The following IL1RAPL2 variants were observed in gnomAD, a reference collection of about 807,000 sequenced individuals.
IL1RAPL2 encodes the protein interleukin 1 receptor accessory protein like 2.
IL1RAPL2 carries 3 observed loss-of-function variants against 44.1 expected under a neutral mutation model. The ratio of observed to expected loss-of-function variants is 0.07; its 90% CI spans 0.03 to 0.18. The LOEUF (loss-of-function observed/expected upper bound fraction) is 0.18, where lower values mean the gene tolerates loss of function less well. IL1RAPL2 is among the 10% of genes least tolerant of loss of function. The pLI, the probability that IL1RAPL2 is intolerant of heterozygous loss-of-function variation, is 1.00. For missense variants in IL1RAPL2, 391 were observed against 496.4 expected (o/e 0.79, Z 2.02); for synonymous variants, 181 against 178.8 (o/e 1.01, Z -0.10).
chrX:104,708,948 A>G (rs1931406680), intron 2 of IL1RAPL2, among the ~76,000 whole-genome samples: 1 of 111,492 alleles, frequency 9.0e-6, no homozygotes, highest in African/African-American at 3.3e-5. Context: ...ATTGAGAAGG[A>G]ATATCTGCTA....
At chrX:105,244,182 A>G (rs941868841) in intron 4 of IL1RAPL2, among the ~76,000 whole-genome samples, 6 of 111,076 alleles carry the variant, frequency 5.4e-5, no homozygotes, top group African/African-American at 2.0e-4. Context: ...TGCGTGTATA[A>G]GCCAGAAGGA....
intron 5 of IL1RAPL2, among the ~76,000 whole-genome samples, chrX:105,447,632 T>TATATAA (rs1184639438): frequency 1.0e-4 from 8 of 79,433 alleles, no homozygotes; most frequent in Admixed American, 1.9e-4. Context: ...AATATATATT[T>TATATAA]ATATAAATAT....
intron 2 of IL1RAPL2, among the ~76,000 whole-genome samples, chrX:104,698,546 T>G (rs777557063): frequency 2.9e-4 from 33 of 112,134 alleles, no homozygotes; most frequent in African/African-American, 8.7e-4. Context: ...TATATTGTCA[T>G]AGTGTTACCT....
At chrX:105,113,810 G>A (rs1401575065) in intron 2 of IL1RAPL2, among the ~76,000 whole-genome samples, 1 of 111,445 alleles carries the variant, frequency 9.0e-6, no homozygotes, top group Non-Finnish European at 1.9e-5. Flanking sequence ...TCCATATTCT[G>A]ACTTCAGATT....
At chrX:104,775,672 T>C (rs1260940158) in intron 2 of IL1RAPL2, among the ~76,000 whole-genome samples, 1 of 111,695 alleles carries the variant, frequency 9.0e-6, no homozygotes, top group Non-Finnish European at 1.9e-5. Context: ...GCAATTATAA[T>C]GTGTTAATGG....
Position 105,520,897 on chromosome X carries a change from G to A in IL1RAPL2, c.772+36510G>A, listed in dbSNP as rs1233778692. ...CTGATCTTAGCCAAAAGGCTTAGAA[G>A]CAATATTATAGCTATTTCTTTCTTT... On this transcript the variant is annotated intron_variant, in intron 6 of 10. Coordinates refer to ENST00000372582, the MANE Select transcript of IL1RAPL2 (RefSeq NM_017416.2). Among the ~76,000 whole-genome samples the A allele has an allele frequency of 3.0e-5, 3 of 100,244 alleles. No homozygotes were observed. In the South Asian group the frequency reaches 1.5e-3, roughly 50 times the overall value. 87.0% of individuals were successfully genotyped at this position (100,244 alleles called of 115,157 possible). A position where few individuals can be genotyped will look rare whatever the true frequency, so the allele number is the denominator to read the frequency against.
rs183247240 is a variant in IL1RAPL2 at position 104,874,327 on chromosome X, G to A, written c.82+215332G>A. 9.7e-5 allele frequency among the ~76,000 whole-genome samples: 7 copies of A among 72,212 alleles called. No individual in the cohort carries two copies. In the East Asian group the frequency reaches 2.9e-3, roughly 30 times the overall value. The allele number at this position is 72,212 out of a possible 115,157, so 62.7% of individuals were successfully genotyped here. ...CTCTCTCTCTCTCTCTGAAACTTAG[G>A]ATATGCATAGATAGGATCATGGGCA... is the stretch of plus-strand genomic sequence containing the variant. On this transcript the variant is annotated intron_variant, in intron 2 of 10. Coordinates refer to ENST00000372582, the MANE Select transcript of IL1RAPL2 (RefSeq NM_017416.2).
At chrX:105,700,680 G>A (rs186008005) in intron 6 of IL1RAPL2, among the ~76,000 whole-genome samples, 7 of 110,183 alleles carry the variant, frequency 6.4e-5, no homozygotes, top group Admixed American at 5.8e-4. Context: ...TACTGCTTCA[G>A]TATTTCTTTG....
In IL1RAPL2 at chrX:104,870,378, C is replaced by T. The variant is rs763789412; in HGVS notation, c.82+211383C>T. Among the ~76,000 whole-genome samples the T allele has an allele frequency of 4.4e-5, 5 of 112,432 alleles. No homozygotes were observed. The South Asian group carries it at 1.8e-3, about 41-fold the overall frequency. ...CTTTGAAACATATTCCTATATTTAA[C>T]TATGAATAGCAGTAATGACTAACAT... On this transcript the variant is annotated intron_variant, in intron 2 of 10. Transcript: ENST00000372582.
At chrX:105,386,343 G>A (rs1186747575) in intron 5 of IL1RAPL2, among the ~76,000 whole-genome samples, 1 of 111,533 alleles carries the variant, frequency 9.0e-6, no homozygotes, top group African/African-American at 3.3e-5. Flanking sequence ...CTACTGAAAA[G>A]TGCAGGTTTG....
chrX:105,701,811 T>C (rs1324596159), intron 6 of IL1RAPL2, among the ~76,000 whole-genome samples: 1 of 112,086 alleles, frequency 8.9e-6, no homozygotes, highest in Non-Finnish European at 1.9e-5. Flanking sequence ...GGTTGTTTGC[T>C]TTTTCTTTTG....
At chrX:104,582,642 C>CTCTT (rs1556437238) in intron 1 of IL1RAPL2, among the ~76,000 whole-genome samples, 1,469 of 25,449 alleles carry the variant, frequency 0.058, 59 homozygotes, top group African/African-American at 0.16. Flanking sequence ...CTTTCTTTCT[C>CTCTT]TCTTTCTTTC....
Position 104,634,290 on chromosome X carries a change from C to T in IL1RAPL2, c.-19-24605C>T, listed in dbSNP as rs753652276. Among the ~76,000 whole-genome samples, 528 of 111,207 alleles carry T rather than the reference C, an allele frequency of 4.7e-3. 1 individual carries two copies. The highest frequency in any genetic ancestry group is 9.3e-3 in the Middle Eastern group (2 of 216). ...TGTGTGGTCCATTTTGGAATAAGTG[C>T]GGTGTGGTGCTGAAAAGAATGTATA... On this transcript the variant is annotated intron_variant, in intron 1 of 10. Transcript: ENST00000372582.
At chrX:105,332,292 C>A (rs1018215158) in intron 5 of IL1RAPL2, among the ~76,000 whole-genome samples, 1 of 110,268 alleles carries the variant, frequency 9.1e-6, no homozygotes, top group African/African-American at 3.3e-5. Flanking sequence ...CAGGGACCTT[C>A]TGCTATAATT....
At position 105,631,714 on chromosome X, in the gene IL1RAPL2, A is replaced by G. The variant is rs2037493244; in HGVS notation, c.773-85653A>G. On this transcript the variant is annotated intron_variant, in intron 6 of 10. Coordinates refer to ENST00000372582, the MANE Select transcript of IL1RAPL2 (RefSeq NM_017416.2). ...TCTCAGTGCAAGATTTGGCACTTCC[A>G]TGGCCTTCACATTGTGATAGGCAGG... is the stretch of plus-strand genomic sequence containing the variant. Among the ~76,000 whole-genome samples, 4 of 112,079 alleles carry G rather than the reference A, an allele frequency of 3.6e-5. No individual in the cohort carries two copies. In the South Asian group the frequency reaches 1.5e-3, roughly 42 times the overall value.
Position 105,592,531 on chromosome X carries a change from T to C in IL1RAPL2, c.772+108144T>C, listed in dbSNP as rs183420059. Among the ~76,000 whole-genome samples the C allele has an allele frequency of 5.9e-3, 654 of 111,656 alleles. 9 individuals carry two copies. The highest frequency in any genetic ancestry group is 0.02 in the African/African-American group (610 of 30,723). On this transcript the variant is annotated intron_variant, in intron 6 of 10. Transcript: ENST00000372582. ...AGTTGCTTAATACTGTGTCGATGGT[T>C]TATGTACTTAAAAGTGTTTTTATGG...
intron 2 of IL1RAPL2, among the ~76,000 whole-genome samples, chrX:104,690,087 G>C (rs762882507): frequency 1.1e-3 from 123 of 111,929 alleles, no homozygotes; most frequent in Middle Eastern, 4.2e-3. Flanking sequence ...ATAGATAATG[G>C]ATTATGAGCA....
intron 5 of IL1RAPL2, among the ~76,000 whole-genome samples, chrX:105,328,590 G>T (rs1241220948): frequency 5.4e-5 from 6 of 111,252 alleles, no homozygotes; most frequent in African/African-American, 2.0e-4. Context: ...TTTGGCTTTG[G>T]CATTGCGTTT....
intron 2 of IL1RAPL2, among the ~76,000 whole-genome samples, chrX:104,901,210 T>G (rs1324908298): frequency 2.7e-5 from 2 of 74,722 alleles, no homozygotes; most frequent in Admixed American, 1.5e-4. Context: ...TTTTTTTTTT[T>G]TTTTTTTTTT....
Sources: allele counts gnomAD v4.1 joint callset (sites outside exome capture counted in the v4.1 genomes callset), GRCh38; gene constraint gnomAD v4.1.1; transcripts MANE v1.5; gene names NCBI Gene and HGNC (gene_info 2026-07-23, HGNC 2026-07-21).